Variants in DAB1 observed in about 807,000 individuals in gnomAD.
DAB1 encodes the protein disabled homolog 1.
In DAB1, 15 loss-of-function variants were observed where a neutral mutation model predicts 64.6. The observed-to-expected ratio is 0.23, with a 90% confidence interval of 0.16 to 0.36. DAB1 has a LOEUF of 0.36. Ranked by LOEUF, DAB1 falls within the 10% of genes least tolerant of loss-of-function variation. The pLI, the probability that DAB1 is intolerant of heterozygous loss-of-function variation, is 1.00. For missense variants in DAB1, 596 were observed against 706.7 expected, an observed-to-expected ratio of 0.84 and a Z score of 1.78; for synonymous variants, 235 against 251.9, an observed-to-expected ratio of 0.93 and a Z score of 0.64.
chr1:57,934,093 G>A (rs1243850677), intron 5 of DAB1, among the ~76,000 whole-genome samples: 1 of 151,348 alleles, frequency 6.6e-6, no homozygotes, highest in African/African-American at 2.4e-5. Context: ...GTGTGTGTGT[G>A]TGTGTGTGTG....
At chr1:58,346,070 C>T (rs999500200) in intron 3 of DAB1, among the ~76,000 whole-genome samples, 4 of 152,210 alleles carry the variant, frequency 2.6e-5, no homozygotes, top group African/African-American at 9.7e-5. Context: ...TCAGACCCTC[C>T]TCCAAGCCCT....
intron 5 of DAB1, among the ~76,000 whole-genome samples, chr1:58,090,211 G>A (rs533687291): frequency 6.1e-4 from 85 of 140,226 alleles, no homozygotes; most frequent in Admixed American, 9.6e-4. Flanking sequence ...GCCAAGTAGG[G>A]TCAGGAAAAA....
intron 1 of DAB1, among the ~76,000 whole-genome samples, chr1:57,378,422 A>G (rs929187144): frequency 4.6e-5 from 7 of 152,158 alleles, no homozygotes; most frequent in Non-Finnish European, 7.3e-5. Flanking sequence ...ATCCTGAGGA[A>G]CTCCTCAAAT....
chr1:58,082,226 T>C (rs1287508776), intron 5 of DAB1, among the ~76,000 whole-genome samples: 3 of 152,062 alleles, frequency 2.0e-5, no homozygotes, highest in East Asian at 3.9e-4. Flanking sequence ...AAACCCAGAG[T>C]GGCTAATCTG....
intron 1 of DAB1, among the ~76,000 whole-genome samples, chr1:57,830,608 C>G (rs989054428): frequency 2.0e-5 from 3 of 151,914 alleles, no homozygotes; most frequent in African/African-American, 7.3e-5. Flanking sequence ...TATATAGTTC[C>G]CTGTGCAGGA....
chr1:57,235,400 G>A (rs561893056), intron 2 of DAB1, among the ~76,000 whole-genome samples: 3 of 152,264 alleles, frequency 2.0e-5, no homozygotes, highest in Non-Finnish European at 2.9e-5. Context: ...TGAAGATTGC[G>A]ATGTGGATTA....
intron 2 of DAB1, among the ~76,000 whole-genome samples, chr1:57,285,763 A>C (rs1441414757): frequency 1.3e-5 from 2 of 152,222 alleles, no homozygotes; most frequent in Non-Finnish European, 1.5e-5. Flanking sequence ...TCTTTCCACT[A>C]CACTAAGCTG....
chr1:57,180,472 A>G (rs551877975), intron 2 of DAB1, among the ~76,000 whole-genome samples: 2 of 152,330 alleles, frequency 1.3e-5, no homozygotes, highest in African/African-American at 4.8e-5. Flanking sequence ...AAGACTTCAA[A>G]CTAAAAAAGC....
chr1:58,314,987 TA>T (rs2100478339), intron 4 of DAB1, among the ~76,000 whole-genome samples: 1 of 152,352 alleles, frequency 6.6e-6, no homozygotes, highest in Non-Finnish European at 1.5e-5. Flanking sequence ...AGTGAGACTC[TA>T]ATGCTACTAA....
chr1:58,196,046 G>A (rs562705393), intron 4 of DAB1, among the ~76,000 whole-genome samples: 2 of 152,248 alleles, frequency 1.3e-5, no homozygotes, highest in African/African-American at 4.8e-5. Context: ...TGGGCTCAGA[G>A]AAAAAGTAAA....
intron 1 of DAB1, among the ~76,000 whole-genome samples, chr1:57,846,455 CAAAAAA>C (rs71051260): frequency 9.2e-4 from 105 of 113,658 alleles, no homozygotes; most frequent in Admixed American, 1.2e-3. Context: ...AAGACTCCAT[CAAAAAA>C]AAAAAAAAAA....
intron 7 of DAB1, among the ~76,000 whole-genome samples, chr1:57,440,902 A>G (rs891081519): frequency 1.3e-5 from 2 of 152,174 alleles, no homozygotes; most frequent in African/African-American, 4.8e-5. Context: ...TACAGGAGTT[A>G]CATGTGCAGG....
At chr1:57,460,914 C>T (rs1165642329) in intron 7 of DAB1, among the ~76,000 whole-genome samples, 1 of 152,056 alleles carries the variant, frequency 6.6e-6, no homozygotes, top group Admixed American at 6.6e-5. Context: ...TTTTAAGTTC[C>T]GGGATACATG....
chr1:57,578,127 G>A (rs1270515992), intron 7 of DAB1, among the ~76,000 whole-genome samples: 1 of 152,200 alleles, frequency 6.6e-6, no homozygotes, highest in Non-Finnish European at 1.5e-5. Context: ...AGTTAAATTA[G>A]GTCATGCCAG....
At chr1:58,317,937 G>T (rs1662594456) in intron 4 of DAB1, among the ~76,000 whole-genome samples, 1 of 152,206 alleles carries the variant, frequency 6.6e-6, no homozygotes, top group South Asian at 2.1e-4. Flanking sequence ...CAAAGTCAGG[G>T]ACTGTGCTTT....
intron 1 of DAB1, among the ~76,000 whole-genome samples, chr1:57,417,330 A>ACGC (rs1684566777): frequency 6.6e-6 from 1 of 152,182 alleles, no homozygotes; most frequent in Non-Finnish European, 1.5e-5. Context: ...GATATAAATA[A>ACGC]CGCCCACAAG....
chr1:58,477,401 G>C (rs1645429466), intron 3 of DAB1, among the ~76,000 whole-genome samples: 1 of 152,140 alleles, frequency 6.6e-6, no homozygotes, highest in South Asian at 2.1e-4. Context: ...TAAACATTAG[G>C]TTTTAATTCT....
At chr1:57,342,013 TGAACA>T in intron 1 of DAB1, among the ~76,000 whole-genome samples, 2 of 152,346 alleles carry the variant, frequency 1.3e-5, no homozygotes, top group South Asian at 4.1e-4. Context: ...TATTTCATCC[TGAACA>T]CAGCCCTTTG....
At chr1:58,202,826 T>C (rs1315832169) in intron 4 of DAB1, among the ~76,000 whole-genome samples, 1 of 152,136 alleles carries the variant, frequency 6.6e-6, no homozygotes. Flanking sequence ...CACCTCCAAA[T>C]CATTCTCCAC....
Sources: gnomAD v4.1 joint callset for allele counts (sites outside exome capture counted in the v4.1 genomes callset) on GRCh38, gnomAD v4.1.1 for gene constraint, MANE v1.5 for transcripts, NCBI Gene and HGNC (gene_info 2026-07-23, HGNC 2026-07-21) for gene names.